The following TRAPPC9 variants were observed in gnomAD, a reference collection of about 807,000 sequenced individuals.
TRAPPC9 encodes IKK2 binding protein.
Under a neutral mutation model 124.0 loss-of-function variants are expected in TRAPPC9, and 83 were observed. That is an observed-to-expected ratio of 0.67 (90% CI 0.56 to 0.80). The LOEUF is 0.80. TRAPPC9 is among the 30% of genes least tolerant of loss of function. The probability of loss-of-function intolerance (pLI) is 0.00; values close to 1 mark genes in which losing one functional copy is unlikely to be tolerated. For missense variants in TRAPPC9, 1,302 were observed against 1,508.3 expected, an observed-to-expected ratio of 0.86 and a Z score of 2.27; for synonymous variants, 638 against 617.5, an observed-to-expected ratio of 1.03 and a Z score of -0.49.
chr8:139,856,154 C>T (rs1827786730), intron 21 of TRAPPC9, among the ~76,000 whole-genome samples: 1 of 152,154 alleles, frequency 6.6e-6, no homozygotes, highest in African/African-American at 2.4e-5. Flanking sequence ...GTTTCTTTCC[C>T]TCTGTGCCGT....
At chr8:139,917,216 C>T (rs1175647785) in intron 19 of TRAPPC9, among the ~76,000 whole-genome samples, 1 of 128,602 alleles carries the variant, frequency 7.8e-6, no homozygotes, top group East Asian at 2.5e-4. Flanking sequence ...CTCTGTTGCC[C>T]AGGACGGAGT....
chr8:140,264,635 G>A (rs1588041294), intron 15 of TRAPPC9, among the ~76,000 whole-genome samples: 1 of 149,704 alleles, frequency 6.7e-6, no homozygotes. Context: ...AGCGGAGGGG[G>A]AGGGCAGGGG....
intron 12 of TRAPPC9, among the ~76,000 whole-genome samples, chr8:140,289,628 A>T (rs992408764): frequency 6.6e-6 from 1 of 152,088 alleles, no homozygotes; most frequent in Non-Finnish European, 1.5e-5. Context: ...CTCATTTGTT[A>T]TAATAAGCAC....
intron 17 of TRAPPC9, among the ~76,000 whole-genome samples, chr8:140,027,610 G>A (rs1308047279): frequency 6.6e-6 from 1 of 151,746 alleles, no homozygotes; most frequent in Non-Finnish European, 1.5e-5. Context: ...AATTATGAGG[G>A]GAAATATCTA....
At position 139,729,577 on chromosome 8, in the gene TRAPPC9, T is replaced by C. The variant is rs1010350409; in HGVS notation, c.*1484A>G. On this transcript the variant is annotated 3_prime_UTR_variant, in exon 23 of 23. Coordinates refer to ENST00000438773, the MANE Select transcript of TRAPPC9 (RefSeq NM_001160372.4). ...CCACATGCCCCCAGCCCACACCACA[T>C]CACAGTGTGCTCCCATCATTCACTG... 1.3e-5 allele frequency among the ~76,000 whole-genome samples: 2 copies of C among 151,332 alleles called. No individual in the cohort carries two copies. The highest frequency in any genetic ancestry group is 2.1e-4 in the South Asian group (1 of 4,740).
At chr8:139,964,689 C>G (rs1835583958) in intron 19 of TRAPPC9, among the ~76,000 whole-genome samples, 1 of 124,200 alleles carries the variant, frequency 8.1e-6, no homozygotes, top group Admixed American at 7.4e-5. Context: ...ATGATAAAGC[C>G]TAGTTATTTA....
intron 7 of TRAPPC9, among the ~76,000 whole-genome samples, chr8:140,388,983 G>A (rs1456135641): frequency 7.6e-6 from 1 of 132,240 alleles, no homozygotes; most frequent in Non-Finnish European, 1.6e-5. Context: ...TTTTGATGGA[G>A]TTTTGCTCTT....
chr8:140,297,938 T>A (rs141796457), intron 11 of TRAPPC9, among the ~76,000 whole-genome samples: 2 of 152,182 alleles, frequency 1.3e-5, no homozygotes, highest in African/African-American at 4.8e-5. Flanking sequence ...GAGGAAACCA[T>A]AGGGTACTAA....
At chr8:140,299,471 AAGG>A (rs1266175933) in intron 11 of TRAPPC9, among the ~76,000 whole-genome samples, 4 of 152,224 alleles carry the variant, frequency 2.6e-5, no homozygotes, top group African/African-American at 4.8e-5. Flanking sequence ...AAAGAAACAG[AAGG>A]AGAAGAAAGC....
intron 3 of TRAPPC9, among the ~76,000 whole-genome samples, chr8:140,435,674 G>A (rs2070787959): frequency 6.6e-6 from 1 of 152,214 alleles, no homozygotes; most frequent in Non-Finnish European, 1.5e-5. Flanking sequence ...CACAGTAATA[G>A]CACCAAAGCA....
intron 19 of TRAPPC9, among the ~76,000 whole-genome samples, chr8:139,937,358 G>A (rs1434951029): frequency 6.6e-6 from 1 of 152,200 alleles, no homozygotes; most frequent in Non-Finnish European, 1.5e-5. Context: ...GGGATTCCGT[G>A]TCATCCAAAC....
At chr8:140,081,538 G>A (rs1843820852) in intron 17 of TRAPPC9, among the ~76,000 whole-genome samples, 1 of 151,930 alleles carries the variant, frequency 6.6e-6, no homozygotes, top group Non-Finnish European at 1.5e-5. Flanking sequence ...TAGAGATGGG[G>A]TTTCACCATA....
chr8:140,264,841 A>G (rs2064566617), intron 15 of TRAPPC9, among the ~76,000 whole-genome samples: 1 of 152,134 alleles, frequency 6.6e-6, no homozygotes, highest in Admixed American at 6.5e-5. Context: ...ACCCTGTGCT[A>G]AGCACTGTGT....
In TRAPPC9 at chr8:139,915,097, C is replaced by T. The variant is rs1267594171; in HGVS notation, c.2811-4797G>A. On this transcript the variant is annotated intron_variant, in intron 19 of 22. Transcript: ENST00000438773. ...GCAGAACTGACGGCGAAGGCACCTG[C>T]CTCGTCTGCAGCGGGTGTTGGCGGG... Among the ~76,000 whole-genome samples the T allele has an allele frequency of 2.0e-5, 3 of 152,222 alleles. No individual in the cohort carries two copies. In the East Asian group the frequency reaches 5.8e-4, roughly 29 times the overall value.
At chr8:139,748,476 G>A (rs1819098003) in intron 21 of TRAPPC9, among the ~76,000 whole-genome samples, 1 of 140,866 alleles carries the variant, frequency 7.1e-6, no homozygotes, top group Admixed American at 7.1e-5. Flanking sequence ...GGTACACACA[G>A]CAGGTGTCAG....
chr8:140,249,379 C>T (rs975137718), intron 16 of TRAPPC9, among the ~76,000 whole-genome samples: 3 of 152,174 alleles, frequency 2.0e-5, no homozygotes, highest in Non-Finnish European at 4.4e-5. Context: ...TCTATGGCTG[C>T]ATAGTCTTCC....
chr8:140,095,870 C>T (rs997439726), intron 17 of TRAPPC9: 2 of 152,128 alleles, frequency 1.3e-5, no homozygotes, highest in African/African-American at 2.4e-5. Flanking sequence ...AAGAGCGGTG[C>T]CTCTCCGAGG....
intron 17 of TRAPPC9, among the ~76,000 whole-genome samples, chr8:140,173,215 G>A (rs2061999374): frequency 6.6e-6 from 1 of 152,168 alleles, no homozygotes; most frequent in African/African-American, 2.4e-5. Flanking sequence ...AACCAAGATG[G>A]AACAGATGGG....
intron 17 of TRAPPC9, among the ~76,000 whole-genome samples, chr8:140,128,951 C>A (rs143886466): frequency 6.8e-6 from 1 of 147,584 alleles, no homozygotes. Flanking sequence ...CACATGTACC[C>A]GAGAACTTAA....
Sources: gnomAD v4.1 joint callset for allele counts (sites outside exome capture counted in the v4.1 genomes callset) on GRCh38, gnomAD v4.1.1 for gene constraint, MANE v1.5 for transcripts, NCBI Gene and HGNC (gene_info 2026-07-23, HGNC 2026-07-21) for gene names.